Variants in ZBTB16 observed in about 807,000 individuals in gnomAD.
The protein encoded by ZBTB16 is zinc finger and BTB domain containing 16, also known as zinc finger and BTB domain-containing protein 16.
Under a neutral mutation model 56.8 loss-of-function variants are expected in ZBTB16, and 8 were observed. The ratio of observed to expected loss-of-function variants is 0.14; its 90% CI spans 0.08 to 0.25. The LOEUF (loss-of-function observed/expected upper bound fraction) is 0.25, where lower values mean the gene tolerates loss of function less well. Ranked by LOEUF, ZBTB16 falls within the 10% of genes least tolerant of loss-of-function variation. The pLI, the probability that ZBTB16 is intolerant of heterozygous loss-of-function variation, is 1.00. For missense variants in ZBTB16, 625 were observed against 903.0 expected (o/e 0.69, Z 3.95); for synonymous variants, 363 against 368.5 (o/e 0.98, Z 0.17).
In ZBTB16 at chr11:114,063,148, C is replaced by A; in HGVS notation, c.-90-63C>A. 1 of 811,406 alleles carries A rather than the reference C, an allele frequency of 1.2e-6. No individual in the cohort carries two copies. Among genetic ancestry groups the A allele is most frequent in the Non-Finnish European group, 2.0e-6 (1 of 504,336 alleles). 50.3% of individuals were successfully genotyped at this position (811,406 alleles called of 1,614,324 possible). Reference sequence around the variant, plus strand: ...GTGGTTGAATTCTTACTTTTAGGGACACTGATGAATTTGTCTTTTGTTCTC... The same window carrying A: ...GTGGTTGAATTCTTACTTTTAGGGAAACTGATGAATTTGTCTTTTGTTCTC... On this transcript the variant is annotated intron_variant, in intron 1 of 6. Transcript: ENST00000335953. The surrounding 1 kb of genome is among the most constrained non-coding windows in gnomAD (Gnocchi z 6.5).
chr11:114,175,056 C>G (rs1943073372), intron 3 of ZBTB16, among the ~76,000 whole-genome samples: 1 of 152,236 alleles, frequency 6.6e-6, no homozygotes, highest in Admixed American at 6.5e-5. Flanking sequence ...GTTTCTTCAC[C>G]TGTTAAAGAG....
chr11:114,098,506 T>C (rs1324940913), intron 2 of ZBTB16, among the ~76,000 whole-genome samples: 3 of 151,480 alleles, frequency 2.0e-5, no homozygotes, highest in African/African-American at 7.3e-5. Context: ...TTTGGTGTTT[T>C]GCAGCTTGGG....
chr11:114,134,172 C>G (rs1216168138), intron 2 of ZBTB16, among the ~76,000 whole-genome samples: 1 of 152,202 alleles, frequency 6.6e-6, no homozygotes, highest in Non-Finnish European at 1.5e-5. Flanking sequence ...TGCGAGCTCA[C>G]CAGCATCATT....
At chr11:114,146,164 C>G (rs1056067565) in intron 2 of ZBTB16, among the ~76,000 whole-genome samples, 2 of 152,102 alleles carry the variant, frequency 1.3e-5, no homozygotes, top group Non-Finnish European at 2.9e-5. Context: ...TATGAAGTCC[C>G]TGCGAGACCC....
chr11:114,204,033 A>T (rs1042428924), intron 4 of ZBTB16, among the ~76,000 whole-genome samples: 1 of 152,182 alleles, frequency 6.6e-6, no homozygotes, highest in Admixed American at 6.5e-5. Flanking sequence ...AAAGCAAGAC[A>T]CGGATGGTAT....
chr11:114,083,529 C>T (rs913331851), intron 2 of ZBTB16, among the ~76,000 whole-genome samples: 1 of 152,156 alleles, frequency 6.6e-6, no homozygotes, highest in Non-Finnish European at 1.5e-5. Flanking sequence ...CTTCCTCAGC[C>T]ACCCACAGCC....
chr11:114,243,280 A>T lies in ZBTB16; in HGVS notation c.1624+943A>T, dbSNP rs185645210. ...GTATATAACAGAGCGTATACTTGTA[A>T]AAACCTCTGCATGCCACGTAAAGGA... On this transcript the variant is annotated intron_variant, in intron 5 of 6. Transcript: ENST00000335953. Among the ~76,000 whole-genome samples the T allele has an allele frequency of 2.6e-5, 4 of 152,304 alleles. No homozygotes were observed. The East Asian group carries it at 7.7e-4, about 29-fold the overall frequency.
At position 114,255,868 on chromosome 11, in the gene ZBTB16, A is replaced by G. The variant is rs190853290; in HGVS notation, c.*5313A>G. Among the ~76,000 whole-genome samples the G allele has an allele frequency of 4.6e-5, 7 of 152,194 alleles. No individual in the cohort carries two copies. The highest frequency in any genetic ancestry group is 1.7e-4 in the African/African-American group (7 of 41,536). ...ACTAACAGTAGATTTTTTTGTAGTG[A>G]ACATTTTTTGTATTTTTATTTATAA... On this transcript the variant is annotated 3_prime_UTR_variant, in exon 7 of 7. Coordinates refer to ENST00000335953, the MANE Select transcript of ZBTB16 (RefSeq NM_006006.6).
At position 114,252,107 on chromosome 11, in the gene ZBTB16, G is replaced by A. The variant is rs575373836; in HGVS notation, c.*1552G>A. Among the ~76,000 whole-genome samples, 18 of 152,292 alleles carry A rather than the reference G, an allele frequency of 1.2e-4. No homozygotes were observed. In the South Asian group the frequency reaches 2.7e-3, roughly 23 times the overall value. ...TCTGAATGTGAGGGCCGAGGAGGGC[G>A]AAGAGCGTGGGTGGGGAGGGGATGT... On this transcript the variant is annotated 3_prime_UTR_variant, in exon 7 of 7. Coordinates refer to ENST00000335953, the MANE Select transcript of ZBTB16 (RefSeq NM_006006.6).
At chr11:114,118,433 C>T (rs1407546097) in intron 2 of ZBTB16, among the ~76,000 whole-genome samples, 1 of 152,186 alleles carries the variant, frequency 6.6e-6, no homozygotes, top group Non-Finnish European at 1.5e-5. Context: ...TGCCTCACCT[C>T]CCAAAGTTCT....
intron 2 of ZBTB16, among the ~76,000 whole-genome samples, chr11:114,128,525 G>T (rs1030809659): frequency 6.6e-6 from 1 of 152,146 alleles, no homozygotes; most frequent in Non-Finnish European, 1.5e-5. Context: ...GCGAAATGGC[G>T]GGTAAAAACT....
chr11:114,124,432 C>A (rs906139837), intron 2 of ZBTB16, among the ~76,000 whole-genome samples: 1 of 151,782 alleles, frequency 6.6e-6, no homozygotes, highest in Non-Finnish European at 1.5e-5. Flanking sequence ...TTTCGCCAAC[C>A]CCCTACCAAA....
chr11:114,148,453 G>GTC (rs1565651937), intron 2 of ZBTB16, among the ~76,000 whole-genome samples: 4 of 53,826 alleles, frequency 7.4e-5, no homozygotes, highest in Admixed American at 2.3e-4. Flanking sequence ...CTCTCTGTCT[G>GTC]TCTGTCTCTC....
chr11:114,233,722 C>G (rs567027816), intron 4 of ZBTB16, among the ~76,000 whole-genome samples: 2 of 151,576 alleles, frequency 1.3e-5, no homozygotes, highest in Non-Finnish European at 2.9e-5. Context: ...ATTAGTAAAT[C>G]CATTCATGTT....
intron 2 of ZBTB16, among the ~76,000 whole-genome samples, chr11:114,093,301 T>C (rs750439022): frequency 6.6e-6 from 1 of 151,276 alleles, no homozygotes; most frequent in Non-Finnish European, 1.5e-5. Flanking sequence ...GGGTGGTCTG[T>C]ATTGTGGAGA....
intron 2 of ZBTB16, among the ~76,000 whole-genome samples, chr11:114,081,029 A>G (rs1430115953): frequency 6.6e-6 from 1 of 152,074 alleles, no homozygotes; most frequent in African/African-American, 2.4e-5. Flanking sequence ...AGGTTCTGTG[A>G]TTTTCCCTAG....
At chr11:114,157,184 C>T (rs369564653) in intron 3 of ZBTB16, among the ~76,000 whole-genome samples, 32 of 152,164 alleles carry the variant, frequency 2.1e-4, no homozygotes, top group African/African-American at 7.7e-4. Context: ...CTTGTCTTCT[C>T]CTCATGTAGG....
At chr11:114,105,305 A>C (rs899942442) in intron 2 of ZBTB16, among the ~76,000 whole-genome samples, 3 of 151,148 alleles carry the variant, frequency 2.0e-5, no homozygotes, top group Admixed American at 1.3e-4. Context: ...CGCTGGCACG[A>C]TCTCGGCTCA....
chr11:114,204,586 C>T (rs968906631), intron 4 of ZBTB16, among the ~76,000 whole-genome samples: 3 of 152,036 alleles, frequency 2.0e-5, no homozygotes, highest in Non-Finnish European at 4.4e-5. Flanking sequence ...TTTTTTTCTC[C>T]CCATGATCTC....
Sources: allele counts gnomAD v4.1 joint callset (sites outside exome capture counted in the v4.1 genomes callset), GRCh38; gene constraint gnomAD v4.1.1; non-coding constraint Gnocchi (gnomAD v3.1); transcripts MANE v1.5; gene names NCBI Gene and HGNC (gene_info 2026-07-23, HGNC 2026-07-21).